The following FGF2 variants were observed in gnomAD, a reference collection of about 807,000 sequenced individuals.
FGF2 encodes the protein basic fibroblast growth factor bFGF.
Under a neutral mutation model 15.9 loss-of-function variants are expected in FGF2, and 13 were observed. The ratio of observed to expected loss-of-function variants is 0.82; its 90% CI spans 0.53 to 1.30. The LOEUF is 1.30. FGF2 is among the 50% of genes most tolerant of loss of function. The pLI, the probability that FGF2 is intolerant of heterozygous loss-of-function variation, is 0.00. For missense variants in FGF2, 163 were observed against 196.9 expected (o/e 0.83, Z 1.03); for synonymous variants, 90 against 78.4 (o/e 1.15, Z -0.78).
At chr4:122,875,381 A>C (rs985747147) in intron 1 of FGF2, among the ~76,000 whole-genome samples, 2 of 147,632 alleles carry the variant, frequency 1.4e-5, no homozygotes, top group African/African-American at 4.9e-5. Flanking sequence ...GTGTAAGCAA[A>C]TTAAGTATAA....
intron 1 of FGF2, among the ~76,000 whole-genome samples, chr4:122,846,461 T>C (rs1319336397): frequency 6.6e-6 from 1 of 152,220 alleles, no homozygotes; most frequent in Non-Finnish European, 1.5e-5. Context: ...CATGCCTGTA[T>C]ATGTGCAAGA....
chr4:122,864,957 T>C (rs1225145948), intron 1 of FGF2, among the ~76,000 whole-genome samples: 1 of 152,184 alleles, frequency 6.6e-6, no homozygotes, highest in African/African-American at 2.4e-5. Flanking sequence ...AATTTAAATA[T>C]CACAATGCAT....
In FGF2 at chr4:122,893,314, T is replaced by G. The variant is rs1727247982; in HGVS notation, c.*918T>G. 3 of 1,297,836 alleles carry G rather than the reference T, an allele frequency of 2.3e-6. No individual in the cohort carries two copies. The allele number at this position is 1,297,836 out of a possible 1,614,324, so 80.4% of individuals were successfully genotyped here. A position where few individuals can be genotyped will look rare whatever the true frequency, so the allele number is the denominator to read the frequency against. ...GATTTTCAGTTAAAGTAGCATTATG[T>G]AAAGGCTCAAAACATTACCCTAACA... On this transcript the variant is annotated 3_prime_UTR_variant, in exon 3 of 3. Transcript: ENST00000644866.
rs1322416313 is a variant in FGF2 at position 122,894,252 on chromosome 4, A to G, written c.*1856A>G. On this transcript the variant is annotated 3_prime_UTR_variant, in exon 3 of 3. Transcript: ENST00000644866. The stretch of plus-strand genomic sequence containing the variant: ...CATGCTGACTTCCCTTACAATTGAG[A>G]TTTGCCCATAGGTTAAACATGGTTA... 6.6e-6 allele frequency: 1 copy of G among 152,198 alleles called. No individual in the cohort carries two copies. The highest frequency in any genetic ancestry group is 1.5e-5 in the Non-Finnish European group (1 of 68,048). 9.4% of individuals were successfully genotyped at this position (152,198 alleles called of 1,614,324 possible).
At chr4:122,833,019 T>G (rs1725794849) in intron 1 of FGF2, among the ~76,000 whole-genome samples, 1 of 152,188 alleles carries the variant, frequency 6.6e-6, no homozygotes, top group Non-Finnish European at 1.5e-5. Context: ...TCAGAATATT[T>G]TTAGTTTGAA....
At position 122,826,950 on chromosome 4, in the gene FGF2, G is replaced by A. The variant is rs1227367770; in HGVS notation, c.-225G>A. The A allele has an allele frequency of 1.6e-5, 22 of 1,367,212 alleles. No individual in the cohort carries two copies. Among genetic ancestry groups the A allele is most frequent in the Non-Finnish European group, 2.0e-5 (21 of 1,054,636 alleles). 84.7% of individuals were successfully genotyped at this position (1,367,212 alleles called of 1,614,324 possible). On this transcript the variant is annotated 5_prime_UTR_variant, in exon 1 of 3. Transcript: ENST00000644866. The stretch of plus-strand genomic sequence containing the variant: ...CCCATCCGTGAACCCCAGGTCCCGG[G>A]CCGCCGGCTCGCCGCGCACCAGGGG...
In FGF2 at chr4:122,827,062, G is replaced by C. The variant is rs1725652120; in HGVS notation, c.-113G>C. ...CTGCCGGGCGGGAGGCTGGGGGGCC[G>C]GGGCCGGGGCCGTGCCCCGGAGCGG... On this transcript the variant is annotated 5_prime_UTR_variant, in exon 1 of 3. Transcript: ENST00000644866. The surrounding 1 kb of genome is among the most constrained non-coding windows in gnomAD (Gnocchi z 4.2). 1.9e-5 allele frequency: 21 copies of C among 1,102,708 alleles called. No homozygotes were observed. Among genetic ancestry groups the C allele is most frequent in the Middle Eastern group, 3.9e-4 (1 of 2,536 alleles). 68.3% of individuals were successfully genotyped at this position (1,102,708 alleles called of 1,614,324 possible).
chr4:122,873,122 C>G (rs1157782512), intron 1 of FGF2, among the ~76,000 whole-genome samples: 2 of 152,142 alleles, frequency 1.3e-5, no homozygotes, highest in Non-Finnish European at 2.9e-5. Flanking sequence ...TCATTTTGCC[C>G]TTATAACTCA....
Position 122,893,457 on chromosome 4 carries a change from C to G in FGF2, c.*1061C>G. Reference sequence around the variant, plus strand: ...ATGCTGAATATTTCTTTGGCTGCTACTTGGAGGCTTATCTACCTGTACATT... The same window carrying G: ...ATGCTGAATATTTCTTTGGCTGCTAGTTGGAGGCTTATCTACCTGTACATT... On this transcript the variant is annotated 3_prime_UTR_variant, in exon 3 of 3. Coordinates refer to ENST00000644866, the MANE Select transcript of FGF2 (RefSeq NM_001361665.2). The G allele has an allele frequency of 2.5e-6, 1 of 406,180 alleles. No individual in the cohort carries two copies. Among genetic ancestry groups the G allele is most frequent in the Non-Finnish European group, 4.3e-6 (1 of 232,068 alleles). The allele number at this position is 406,180 out of a possible 1,614,324, so 25.2% of individuals were successfully genotyped here.
chr4:122,827,375 C>T lies in FGF2; in HGVS notation c.178+23C>T, dbSNP rs1292095767. ...ACAGTGAGTGCCGACCCGCTCTCTC[C>T]GCCTCATTTCCATTTCGTGGGTTCT... On this transcript the variant is annotated intron_variant, in intron 1 of 2. Coordinates refer to ENST00000644866, the MANE Select transcript of FGF2 (RefSeq NM_001361665.2). The surrounding 1 kb of genome is among the most constrained non-coding windows in gnomAD (Gnocchi z 4.2). 1.9e-6 allele frequency: 3 copies of T among 1,611,950 alleles called. No homozygotes were observed. The highest frequency in any genetic ancestry group is 1.6e-4 in the Middle Eastern group (1 of 6,084).
chr4:122,876,269 G>T lies in FGF2; in HGVS notation c.179-52G>T. ...CTTTATATTGCGTAAATATTGTGAA[G>T]AAGGCTCTTTCCTCTGTGGTGCTAC... On this transcript the variant is annotated intron_variant, in intron 1 of 2. Coordinates refer to ENST00000644866, the MANE Select transcript of FGF2 (RefSeq NM_001361665.2). The T allele has an allele frequency of 4.8e-6, 5 of 1,038,932 alleles. No homozygotes were observed. In the South Asian group the frequency reaches 6.3e-5, roughly 13 times the overall value. 64.4% of individuals were successfully genotyped at this position (1,038,932 alleles called of 1,614,324 possible). A position where few individuals can be genotyped will look rare whatever the true frequency, so the allele number is the denominator to read the frequency against.
At chr4:122,873,419 G>A (rs1294021667) in intron 1 of FGF2, among the ~76,000 whole-genome samples, 1 of 152,252 alleles carries the variant, frequency 6.6e-6, no homozygotes, top group Non-Finnish European at 1.5e-5. Flanking sequence ...CTGGGTGGAA[G>A]CTCTATGGGA....
chr4:122,889,672 TAA>T (rs1727129164), intron 2 of FGF2, among the ~76,000 whole-genome samples: 1 of 152,164 alleles, frequency 6.6e-6, no homozygotes, highest in African/African-American at 2.4e-5. Flanking sequence ...AGCACAGATG[TAA>T]GTTTCCTTCC....
chr4:122,862,211 A>G (rs1468961882), intron 1 of FGF2, among the ~76,000 whole-genome samples: 2 of 152,236 alleles, frequency 1.3e-5, no homozygotes, highest in African/African-American at 4.8e-5. Flanking sequence ...ATTTATGGAA[A>G]CACTGACTTG....
chr4:122,846,741 A>G (rs1276531248), intron 1 of FGF2, among the ~76,000 whole-genome samples: 3 of 152,242 alleles, frequency 2.0e-5, no homozygotes, highest in Non-Finnish European at 2.9e-5. Flanking sequence ...GAATGTATCC[A>G]TGTATTATTT....
At chr4:122,842,860 T>G (rs1396137075) in intron 1 of FGF2, among the ~76,000 whole-genome samples, 1 of 152,228 alleles carries the variant, frequency 6.6e-6, no homozygotes, top group Non-Finnish European at 1.5e-5. Context: ...TAAAAAGCCA[T>G]TTTTAAAGTT....
upstream of FGF2, chr4:122,826,826 C>T (rs1725638407): frequency 1.4e-6 from 2 of 1,464,438 alleles, no homozygotes; most frequent in South Asian, 1.3e-5. Flanking sequence ...CGCGGCCCGG[C>T]GGGTGCCAGA....
rs530186789 is a variant in FGF2 at position 122,833,080 on chromosome 4, T to A, written c.178+5728T>A. Among the ~76,000 whole-genome samples the A allele has an allele frequency of 6.6e-5, 10 of 152,338 alleles. No individual in the cohort carries two copies. The South Asian group carries it at 2.1e-3, about 32-fold the overall frequency. On this transcript the variant is annotated intron_variant, in intron 1 of 2. Transcript: ENST00000644866. ...AGACAGCCAATATTCAGTGTTTATG[T>A]CTCATCCAGCTGTCTTCTGTCACTC...
At chr4:122,840,700 TC>T (rs1282429713) in intron 1 of FGF2, 1 of 178,780 alleles carries the variant, frequency 5.6e-6, no homozygotes, top group Non-Finnish European at 1.2e-5. Flanking sequence ...AGGAGCTGAG[TC>T]CTTAAGGTCT....
Sources: gnomAD v4.1 joint callset for allele counts (sites outside exome capture counted in the v4.1 genomes callset) on GRCh38, gnomAD v4.1.1 for gene constraint, Gnocchi (gnomAD v3.1) non-coding constraint, MANE v1.5 for transcripts, NCBI Gene and HGNC (gene_info 2026-07-23, HGNC 2026-07-21) for gene names.